ANO10: variants seen among roughly 807,000 people sequenced by gnomAD.
The protein encoded by ANO10 is anoctamin-10.
Under a neutral mutation model 74.7 loss-of-function variants are expected in ANO10, and 77 were observed. The ratio of observed to expected loss-of-function variants is 1.03; its 90% confidence interval spans 0.86 to 1.25. ANO10 has a LOEUF of 1.25. Ranked by LOEUF, ANO10 falls within the 50% of genes most tolerant of loss-of-function variation. The pLI, the probability that ANO10 is intolerant of heterozygous loss-of-function variation, is 0.00. For synonymous variants in ANO10, 279 were observed against 284.9 expected, an observed-to-expected ratio of 0.98 and a Z score of 0.21; for missense variants, 721 against 778.1, an observed-to-expected ratio of 0.93 and a Z score of 0.87.
At chr3:43,534,327 T>C (rs2078602926) in intron 11 of ANO10, among the ~76,000 whole-genome samples, 1 of 152,210 alleles carries the variant, frequency 6.6e-6, no homozygotes, top group East Asian at 1.9e-4. Flanking sequence ...GATTAAATGT[T>C]ACATTTTAGA....
At chr3:43,592,779 C>T (rs1183649201) in intron 4 of ANO10, among the ~76,000 whole-genome samples, 2 of 152,188 alleles carry the variant, frequency 1.3e-5, no homozygotes, top group Non-Finnish European at 2.9e-5. Flanking sequence ...AAGAAGGCTT[C>T]AGAAGATGGG....
chr3:43,521,300 A>G (rs184409100), intron 11 of ANO10, among the ~76,000 whole-genome samples: 3 of 152,328 alleles, frequency 2.0e-5, no homozygotes, highest in African/African-American at 7.2e-5. Flanking sequence ...TTTTGCACAC[A>G]CATCACTTAT....
Position 43,399,685 on chromosome 3 carries a change from A to T in ANO10, c.1915-32711T>A, listed in dbSNP as rs139626775. Among the ~76,000 whole-genome samples the T allele has an allele frequency of 5.9e-5, 9 of 152,264 alleles. No homozygotes were observed. The East Asian group carries it at 1.7e-3, about 29-fold the overall frequency. ...TCTGTGTACGTAGACTGCATATAAC[A>T]GTCAATGTTTGTATTTAGGGCATAT... On this transcript the variant is annotated intron_variant, in intron 12 of 12. Transcript: ENST00000292246.
At chr3:43,436,349 G>A (rs561711700) in intron 11 of ANO10, among the ~76,000 whole-genome samples, 5 of 152,076 alleles carry the variant, frequency 3.3e-5, no homozygotes, top group African/African-American at 9.6e-5. Flanking sequence ...TGAACAGAGG[G>A]GTGGAAGGAG....
chr3:43,690,760 C>T (rs963231349), intron 1 of ANO10: 2 of 433,070 alleles, frequency 4.6e-6, no homozygotes, highest in Non-Finnish European at 8.1e-6. Context: ...CGCGCTTACA[C>T]CCGGGAGCGT....
chr3:43,671,037 TG>T (rs1275224021), intron 1 of ANO10, among the ~76,000 whole-genome samples: 2 of 152,194 alleles, frequency 1.3e-5, no homozygotes, highest in African/African-American at 4.8e-5. Context: ...TCTGTATAAT[TG>T]TTGGTAAGTA....
At chr3:43,592,976 T>C (rs1212660004) in intron 4 of ANO10, among the ~76,000 whole-genome samples, 1 of 152,186 alleles carries the variant, frequency 6.6e-6, no homozygotes, top group Non-Finnish European at 1.5e-5. Context: ...CAAGCTTCAG[T>C]AGCTGATTTG....
chr3:43,656,667 C>G (rs983033151), intron 1 of ANO10, among the ~76,000 whole-genome samples: 2 of 152,238 alleles, frequency 1.3e-5, no homozygotes, highest in African/African-American at 2.4e-5. Context: ...GCCGCTGGCC[C>G]GGATGCTAAG....
At chr3:43,401,328 C>T (rs2092477255) in intron 12 of ANO10, among the ~76,000 whole-genome samples, 1 of 152,130 alleles carries the variant, frequency 6.6e-6, no homozygotes, top group Admixed American at 6.5e-5. Flanking sequence ...ACAAAATAAA[C>T]AACTCAAAAA....
At chr3:43,642,870 T>C (rs940511050) in intron 1 of ANO10, among the ~76,000 whole-genome samples, 4 of 152,126 alleles carry the variant, frequency 2.6e-5, no homozygotes, top group Non-Finnish European at 5.9e-5. Flanking sequence ...TGTTTTATGA[T>C]GCCTGGTCGC....
intron 12 of ANO10, among the ~76,000 whole-genome samples, chr3:43,371,222 G>A (rs1034740232): frequency 2.0e-5 from 3 of 152,140 alleles, no homozygotes; most frequent in African/African-American, 7.2e-5. Context: ...GCCCTTGGCT[G>A]AAGGATAGAA....
chr3:43,472,556 C>A (rs2075902539), intron 11 of ANO10: 1 of 151,688 alleles, frequency 6.6e-6, no homozygotes, highest in African/African-American at 2.4e-5. Context: ...TTGTTCCACT[C>A]TTTCCCCACC....
At chr3:43,459,048 A>T (rs569783624) in intron 11 of ANO10, among the ~76,000 whole-genome samples, 1 of 152,338 alleles carries the variant, frequency 6.6e-6, no homozygotes, top group South Asian at 2.1e-4. Flanking sequence ...AACCAGGTGG[A>T]ACATAAATAT....
chr3:43,561,354 C>T lies in ANO10; in HGVS notation c.1342G>A (p.Glu448Lys). Residue 448 changes from glutamate (E) to lysine (K), a missense_variant, in exon 9 of 13, where the codon GAA becomes AAA. By Grantham distance (56) the Glu-to-Lys change is moderately conservative (BLOSUM62 1). Transcript: ENST00000292246. ...ITSQILNQIMESFLPYWLQRK... is the reference protein window; with the variant it reads ...ITSQILNQIMKSFLPYWLQRK... ...TGGAGCCAATAAGGAAGAAAAGATTCCATAATTTGGTTGAGGATCTGGGAG... is the reference window on the plus strand; with the variant it reads ...TGGAGCCAATAAGGAAGAAAAGATTTCATAATTTGGTTGAGGATCTGGGAG... 6.2e-7 allele frequency: 1 copy of T among 1,614,134 alleles called. No individual in the cohort carries two copies. Among genetic ancestry groups the T allele is most frequent in the Non-Finnish European group, 8.5e-7 (1 of 1,180,016 alleles).
At chr3:43,432,780 A>T in intron 11 of ANO10, 53 bp from the exon 12 acceptor site, 1 of 1,178,704 alleles carries the variant, frequency 8.5e-7, no homozygotes, top group Admixed American at 1.7e-5. Context: ...CATATATGCA[A>T]GGAAATAAAT....
Position 43,538,940 on chromosome 3 carries a change from T to G in ANO10, c.1797+10780A>C, listed in dbSNP as rs189105174. 4.6e-5 allele frequency among the ~76,000 whole-genome samples: 7 copies of G among 152,300 alleles called. No homozygotes were observed. The East Asian group carries it at 1.3e-3, about 29-fold the overall frequency. On this transcript the variant is annotated intron_variant, in intron 11 of 12. Coordinates refer to ENST00000292246, the MANE Select transcript of ANO10 (RefSeq NM_018075.5). ...GATCACTGGAATGGCCAAGTAGAAT[T>G]TATGTTAGTGAATGAAAATGAATAC...
At chr3:43,685,915 C>A (rs2084269027) in intron 1 of ANO10, among the ~76,000 whole-genome samples, 1 of 152,140 alleles carries the variant, frequency 6.6e-6, no homozygotes, top group African/African-American at 2.4e-5. Context: ...CCTTTTTTCA[C>A]ACGATGTCTT....
At chr3:43,462,554 A>G (rs1317044002) in intron 11 of ANO10, among the ~76,000 whole-genome samples, 5 of 152,182 alleles carry the variant, frequency 3.3e-5, no homozygotes, top group Non-Finnish European at 7.4e-5. Flanking sequence ...TTATAAGGGA[A>G]GCAGAGCATA....
At chr3:43,583,242 T>TC (rs1184527359) in intron 4 of ANO10, among the ~76,000 whole-genome samples, 2 of 152,110 alleles carry the variant, frequency 1.3e-5, no homozygotes, top group Non-Finnish European at 2.9e-5. Context: ...TTTTTGGTTT[T>TC]TTTTTTTTAA....
Sources: allele counts gnomAD v4.1 joint callset (sites outside exome capture counted in the v4.1 genomes callset), GRCh38; gene constraint gnomAD v4.1.1; transcripts MANE v1.5; gene names NCBI Gene and HGNC (gene_info 2026-07-23, HGNC 2026-07-21).